ASCC3: variants seen among roughly 807,000 people sequenced by gnomAD.
ASCC3 encodes the protein ASC-1 complex subunit P200.
In ASCC3, 158 loss-of-function variants were observed where a neutral mutation model predicts 256.3. The observed-to-expected ratio is 0.62, with a 90% CI of 0.54 to 0.70. The LOEUF (loss-of-function observed/expected upper bound fraction) is 0.70. ASCC3 is among the 30% of genes least tolerant of loss of function. The probability of loss-of-function intolerance (pLI) is 0.00; values close to 1 mark genes in which losing one functional copy is unlikely to be tolerated. For synonymous variants in ASCC3, 948 were observed against 883.4 expected (o/e 1.07, Z -1.30); for missense variants, 2,259 against 2,626.0 (o/e 0.86, Z 3.05).
At chr6:100,631,636 T>C (rs1774551643) in intron 25 of ASCC3, among the ~76,000 whole-genome samples, 1 of 151,962 alleles carries the variant, frequency 6.6e-6, no homozygotes, top group Admixed American at 6.5e-5. Flanking sequence ...TTGAGTTGTA[T>C]GTAACTCATG....
Position 100,601,844 on chromosome 6 carries a change from T to A in ASCC3, c.5269A>T (p.Thr1757Ser). ...KQDALDYITWTYFFRRLIMNP... is the reference protein window; with the variant it reads ...KQDALDYITWSYFFRRLIMNP... ...ATGATAAGACGTCGGAAAAAGTAAG[T>A]CCAGGTGATATAATCCAATGCATCT... The change falls in exon 34 of 42, where the codon ACT (threonine) becomes TCT (serine). Residue 1757 changes from threonine to serine, a missense_variant. Transcript: ENST00000369162. The A allele has an allele frequency of 6.2e-7, 1 of 1,612,656 alleles. No homozygotes were observed. Among genetic ancestry groups the A allele is most frequent in the Non-Finnish European group, 8.5e-7 (1 of 1,178,950 alleles).
At position 100,662,544 on chromosome 6, in the gene ASCC3, C is replaced by T. The variant is rs77182320; in HGVS notation, c.2287-8G>A. 6.2e-3 allele frequency: 9,917 copies of T among 1,611,944 alleles called. 52 individuals carry two copies. Among genetic ancestry groups the T allele is most frequent in the Middle Eastern group, 0.011 (67 of 6,058 alleles). ...ATTTCTCGACCTTTGTACCTAGATACCAAGAAAGCGTAAGAGTATTATTTA... is the reference window on the plus strand; with the variant it reads ...ATTTCTCGACCTTTGTACCTAGATATCAAGAAAGCGTAAGAGTATTATTTA... On this transcript the variant is annotated splice_region_variant and splice_polypyrimidine_tract_variant and intron_variant, in intron 14 of 41. Transcript: ENST00000369162.
chr6:100,853,162 ATTG>A (rs1456560732), intron 3 of ASCC3, among the ~76,000 whole-genome samples: 2 of 152,118 alleles, frequency 1.3e-5, no homozygotes, highest in Admixed American at 1.3e-4. Context: ...TATTTGGTAG[ATTG>A]TTACTATAAG....
chr6:100,865,520 A>G (rs537321000), intron 2 of ASCC3, among the ~76,000 whole-genome samples: 24 of 152,314 alleles, frequency 1.6e-4, no homozygotes, highest in African/African-American at 5.1e-4. Context: ...AACAGCTACT[A>G]TTGAAAAGAA....
rs537479050 is a variant in ASCC3 at position 100,855,268 on chromosome 6, C to T, written c.242-6561G>A. Reference sequence around the variant, plus strand: ...AGCTGGGACTACAGACGTGCACTACCATGCCTGGCTAATTGTTTTTGTATT... The same window carrying T: ...AGCTGGGACTACAGACGTGCACTACTATGCCTGGCTAATTGTTTTTGTATT... On this transcript the variant is annotated intron_variant, in intron 3 of 41. Coordinates refer to ENST00000369162, the MANE Select transcript of ASCC3 (RefSeq NM_006828.4). Among the ~76,000 whole-genome samples the T allele has an allele frequency of 3.9e-5, 6 of 152,258 alleles. No individual in the cohort carries two copies. The South Asian group carries it at 1.2e-3, about 32-fold the overall frequency.
chr6:100,544,382 C>T (rs890065461), intron 36 of ASCC3, among the ~76,000 whole-genome samples: 3 of 151,836 alleles, frequency 2.0e-5, no homozygotes, highest in Admixed American at 1.3e-4. Context: ...GACCAAAAGC[C>T]GGTTCTTTAA....
At chr6:100,592,215 T>C (rs1052773403) in intron 34 of ASCC3, among the ~76,000 whole-genome samples, 6 of 151,806 alleles carry the variant, frequency 4.0e-5, no homozygotes, top group Admixed American at 6.6e-5. Flanking sequence ...ACTAAAATAT[T>C]ATTCATAATC....
At chr6:100,563,588 T>C (rs1770068339) in intron 36 of ASCC3, among the ~76,000 whole-genome samples, 1 of 152,116 alleles carries the variant, frequency 6.6e-6, no homozygotes, top group Non-Finnish European at 1.5e-5. Flanking sequence ...GCACGTGGAT[T>C]AGCATGAGCT....
intron 37 of ASCC3, among the ~76,000 whole-genome samples, chr6:100,537,641 G>A (rs1775226921): frequency 6.6e-6 from 1 of 151,824 alleles, no homozygotes; most frequent in East Asian, 1.9e-4. Flanking sequence ...ATTTCAAAAC[G>A]AAAGTCTAAT....
chr6:100,841,099 G>A (rs1772123302), intron 4 of ASCC3, among the ~76,000 whole-genome samples: 1 of 152,116 alleles, frequency 6.6e-6, no homozygotes, highest in Non-Finnish European at 1.5e-5. Flanking sequence ...AGATAAAAGA[G>A]TCATTCTCTT....
intron 30 of ASCC3, among the ~76,000 whole-genome samples, chr6:100,622,070 C>A (rs1396165072): frequency 1.3e-5 from 2 of 151,972 alleles, no homozygotes; most frequent in African/African-American, 4.8e-5. Flanking sequence ...GGGAACTACA[C>A]TGGGGCCTGT....
At chr6:100,564,627 G>A (rs575562228) in intron 36 of ASCC3, among the ~76,000 whole-genome samples, 18 of 152,216 alleles carry the variant, frequency 1.2e-4, no homozygotes, top group African/African-American at 4.1e-4. Context: ...GACATAGGCC[G>A]GTTCCCTTCC....
chr6:100,758,018 T>C (rs1449478069), intron 10 of ASCC3, among the ~76,000 whole-genome samples: 3 of 152,134 alleles, frequency 2.0e-5, no homozygotes, highest in African/African-American at 7.2e-5. Context: ...CTGGCACTGA[T>C]GGGTGGGAAC....
At chr6:100,749,738 A>C (rs966944092) in intron 10 of ASCC3, among the ~76,000 whole-genome samples, 3 of 151,938 alleles carry the variant, frequency 2.0e-5, no homozygotes, top group African/African-American at 7.2e-5. Context: ...CCAAGGTTAA[A>C]ATCAATGATG....
intron 8 of ASCC3, among the ~76,000 whole-genome samples, chr6:100,782,263 A>G (rs963424103): frequency 1.3e-4 from 20 of 152,160 alleles, no homozygotes; most frequent in Non-Finnish European, 2.5e-4. Flanking sequence ...CTTTTAAAGA[A>G]TAGAAAAGAA....
At chr6:100,795,196 G>GAA (rs34224634) in intron 8 of ASCC3, among the ~76,000 whole-genome samples, 10 of 147,344 alleles carry the variant, frequency 6.8e-5, no homozygotes, top group East Asian at 5.9e-4. Flanking sequence ...GAACTGGTTG[G>GAA]AAAAAAAAAA....
intron 8 of ASCC3, among the ~76,000 whole-genome samples, chr6:100,786,515 T>C (rs770871802): frequency 2.6e-5 from 4 of 152,178 alleles, no homozygotes; most frequent in Non-Finnish European, 5.9e-5. Context: ...GACTTGACCG[T>C]ATAAGTGCCC....
intron 37 of ASCC3, among the ~76,000 whole-genome samples, chr6:100,535,759 G>C (rs961045254): frequency 6.6e-6 from 1 of 152,044 alleles, no homozygotes; most frequent in Non-Finnish European, 1.5e-5. Flanking sequence ...GAGCCATGGC[G>C]CCCAGCAGAA....
rs764968246 is a variant in ASCC3 at position 100,848,341 on chromosome 6, T to A, written c.608A>T (p.His203Leu). The A allele has an allele frequency of 6.2e-7, 1 of 1,614,134 alleles. No individual in the cohort carries two copies. The highest frequency in any genetic ancestry group is 1.1e-5 in the South Asian group (1 of 91,074). The change falls in exon 4 of 42, where the codon CAT (histidine) becomes CTT (leucine). Residue 203 changes from histidine (H) to leucine (L), a missense_variant. By Grantham distance (99) the His-to-Leu change is moderately conservative (BLOSUM62 -3). This residue lies in a region of ASCC3 where 420 missense variants were observed against 419.3 expected (regional missense o/e 1.00). Coordinates refer to ENST00000369162, the MANE Select transcript of ASCC3 (RefSeq NM_006828.4). ...SLDYKKFLNE[H>L]LQEACTPELK... ...TTCTGGGGTGCAAGCCTCCTGGAGATGTTCATTCAGAAACTTCTTATAATC... is the reference window on the plus strand; with the variant it reads ...TTCTGGGGTGCAAGCCTCCTGGAGAAGTTCATTCAGAAACTTCTTATAATC...
Sources: gnomAD v4.1 joint callset for allele counts (sites outside exome capture counted in the v4.1 genomes callset) on GRCh38, gnomAD v4.1.1 for gene constraint, gnomAD v4.1.1 regional missense constraint, MANE v1.5 for transcripts, NCBI Gene and HGNC (gene_info 2026-07-23, HGNC 2026-07-21) for gene names.